Variants in KANSL1 observed in about 807,000 individuals in gnomAD.
KANSL1 encodes MLL1/MLL complex subunit KANSL1.
KANSL1 carries 22 observed loss-of-function variants against 103.6 expected under a neutral mutation model. The ratio of observed to expected loss-of-function variants is 0.21; its 90% confidence interval spans 0.15 to 0.30. The LOEUF (loss-of-function observed/expected upper bound fraction) is 0.30, where lower values mean the gene tolerates loss of function less well. Ranked by LOEUF, KANSL1 falls within the 10% of genes least tolerant of loss-of-function variation. The pLI is 1.00. For synonymous variants in KANSL1, 600 were observed against 527.6 expected (o/e 1.14, Z -1.88); for missense variants, 1,337 against 1,399.8 (o/e 0.96, Z 0.72).
chr17:46,102,241 T>C (rs2042353189), intron 2 of KANSL1, among the ~76,000 whole-genome samples: 1 of 152,140 alleles, frequency 6.6e-6, no homozygotes, highest in Non-Finnish European at 1.5e-5. Context: ...GTGGAACAAA[T>C]GTACCAGAGC....
At chr17:46,099,165 T>C (rs1322476840) in intron 2 of KANSL1, among the ~76,000 whole-genome samples, 1 of 144,094 alleles carries the variant, frequency 6.9e-6, no homozygotes, top group Non-Finnish European at 1.6e-5. Context: ...CTACTAAAAA[T>C]ACAAAAAAAT....
intron 1 of KANSL1, 72 bp from the exon 2 acceptor site, chr17:46,172,304 C>G (rs2046327591): frequency 3.9e-6 from 3 of 771,552 alleles, no homozygotes; most frequent in Non-Finnish European, 6.0e-6. Flanking sequence ...TTAACAAAAG[C>G]ACTACTTGAG....
At chr17:46,174,637 T>C (rs1420441219) in intron 1 of KANSL1, among the ~76,000 whole-genome samples, 1 of 152,258 alleles carries the variant, frequency 6.6e-6, no homozygotes, top group Non-Finnish European at 1.5e-5. Context: ...CAGGAAATCA[T>C]GCATGGGTAA....
chr17:46,100,599 T>C (rs2042270785), intron 2 of KANSL1, among the ~76,000 whole-genome samples: 1 of 152,198 alleles, frequency 6.6e-6, no homozygotes, highest in African/African-American at 2.4e-5. Flanking sequence ...AGTCAATGGG[T>C]TTAAAAGGGA....
chr17:46,168,157 TTTC>T (rs1400825076), intron 2 of KANSL1, among the ~76,000 whole-genome samples: 5 of 152,236 alleles, frequency 3.3e-5, no homozygotes, highest in Non-Finnish European at 5.9e-5. Flanking sequence ...AGAACAACTT[TTTC>T]TTCTTCTTTT....
chr17:46,197,803 G>A (rs2047663245), upstream of KANSL1, among the ~76,000 whole-genome samples: 1 of 147,470 alleles, frequency 6.8e-6, no homozygotes, highest in Non-Finnish European at 1.5e-5. Flanking sequence ...TTTAAGATCT[G>A]TAACTCATCT....
At chr17:46,047,491 G>A (rs563218913) in intron 7 of KANSL1, among the ~76,000 whole-genome samples, 46 of 152,054 alleles carry the variant, frequency 3.0e-4, no homozygotes, top group Non-Finnish European at 6.0e-4. Flanking sequence ...TATGGCCCTT[G>A]AAGAAAAAGT....
intron 1 of KANSL1, among the ~76,000 whole-genome samples, chr17:46,176,117 T>C (rs924916195): frequency 1.3e-5 from 2 of 152,220 alleles, no homozygotes; most frequent in Non-Finnish European, 1.5e-5. Flanking sequence ...TAATACAACA[T>C]GTGAAGAGTA....
chr17:46,167,990 G>A (rs146442721), intron 2 of KANSL1, among the ~76,000 whole-genome samples: 1 of 152,166 alleles, frequency 6.6e-6, no homozygotes, highest in Non-Finnish European at 1.5e-5. Flanking sequence ...TTTCATCAGG[G>A]CTGCCTAGAC....
chr17:46,062,441 C>T (rs1227764228), intron 6 of KANSL1, among the ~76,000 whole-genome samples: 2 of 145,970 alleles, frequency 1.4e-5, no homozygotes, highest in Non-Finnish European at 3.0e-5. Context: ...TCACTGCAAC[C>T]TCTGACTTCT....
chr17:46,101,665 A>G (rs985772178), intron 2 of KANSL1, among the ~76,000 whole-genome samples: 9 of 150,480 alleles, frequency 6.0e-5, no homozygotes, highest in African/African-American at 2.2e-4. Context: ...GAGGCAGGAG[A>G]ATCGCTTGAA....
At chr17:46,051,521 C>T (rs1272600062) in intron 6 of KANSL1, among the ~76,000 whole-genome samples, 1 of 152,184 alleles carries the variant, frequency 6.6e-6, no homozygotes, top group South Asian at 2.1e-4. Context: ...AAAAACTGAA[C>T]ATCTACAATT....
At chr17:46,079,665 T>C (rs1427339765) in intron 4 of KANSL1, among the ~76,000 whole-genome samples, 2 of 152,238 alleles carry the variant, frequency 1.3e-5, no homozygotes, top group South Asian at 4.1e-4. Context: ...TGTTATTCAG[T>C]AAATCACTAT....
At position 46,171,704 on chromosome 17, in the gene KANSL1, G is replaced by A. The variant is rs867179138; in HGVS notation, c.440C>T (p.Thr147Ile). The change falls in exon 2 of 15, where the codon ACA becomes ATA. Residue 147 changes from threonine (T) to isoleucine (I), a missense_variant. Transcript: ENST00000432791. ...NLRTMNTSGQ[T>I]ALPQAPVNGL... ...ATTTACAGGTGCTTGTGGCAGAGCT[G>A]TCTGACCACTCGTATTCATGGTTCT... 9 of 1,559,338 alleles carry A rather than the reference G, an allele frequency of 5.8e-6. No individual in the cohort carries two copies. The African/African-American group carries it at 1.1e-4, about 19-fold the overall frequency.
Position 46,171,408 on chromosome 17 carries a change from T to C in KANSL1, c.736A>G (p.Ser246Gly), listed in dbSNP as rs141969887. 8.0e-5 allele frequency: 129 copies of C among 1,614,034 alleles called. No individual in the cohort carries two copies. Among genetic ancestry groups the C allele is most frequent in the Non-Finnish European group, 1.0e-4 (123 of 1,180,006 alleles). ...SMEQPALQGSSRLSPGTDSSS... is the reference protein window; with the variant it reads ...SMEQPALQGSGRLSPGTDSSS... ...GAGTCTGTACCAGGTGATAATCTAC[T>C]GCTTCCTTGAAGTGCCGGCTGTTCC... Residue 246 changes from serine to glycine, a missense_variant, in exon 2 of 15, where the codon AGT becomes GGT. By Grantham distance (56) the Ser-to-Gly change is moderately conservative. Coordinates refer to ENST00000432791, the MANE Select transcript of KANSL1 (RefSeq NM_015443.4).
intron 1 of KANSL1, among the ~76,000 whole-genome samples, chr17:46,202,270 A>G (rs1276197457): frequency 6.6e-6 from 1 of 152,272 alleles, no homozygotes; most frequent in East Asian, 1.9e-4. Flanking sequence ...TTTGGATCCC[A>G]TCTCCAAGAT....
intron 2 of KANSL1, 89 bp downstream of exon 2, chr17:46,170,762 CAAAG>C: frequency 7.3e-7 from 1 of 1,364,126 alleles, no homozygotes; most frequent in Non-Finnish European, 9.9e-7. Flanking sequence ...CACCTATGTA[CAAAG>C]AATCACATTC....
At position 46,032,229 on chromosome 17, in the gene KANSL1, C is replaced by T. The variant is rs895889126; in HGVS notation, c.2908G>A (p.Ala970Thr). Residue 970 changes from alanine (A) to threonine (T), a missense_variant, in exon 14 of 15, where the codon GCC becomes ACC. Ala to Thr is a moderately conservative substitution (Grantham distance 58, BLOSUM62 0). This residue lies in a region of KANSL1 where 780 missense variants were observed against 923.4 expected (regional missense o/e 0.84). Transcript: ENST00000432791. Reference protein sequence around the residue: ...GSANPSTPQPASPDVSSSHSL... With the variant: ...GSANPSTPQPTSPDVSSSHSL... ...TGGCTACTGCTGACATCAGGGGAGG[C>T]AGGCTGGGGGGTGGAGGGGTTGGCA... The T allele has an allele frequency of 4.4e-6, 7 of 1,581,010 alleles. No individual in the cohort carries two copies. The highest frequency in any genetic ancestry group is 6.0e-6 in the Non-Finnish European group (7 of 1,160,380).
At chr17:46,180,533 A>G (rs1467208391) in intron 1 of KANSL1, among the ~76,000 whole-genome samples, 2 of 152,046 alleles carry the variant, frequency 1.3e-5, no homozygotes, top group African/African-American at 4.8e-5. Context: ...TAAAAATAAA[A>G]AATTTAGCCG....
Sources: allele counts gnomAD v4.1 joint callset (sites outside exome capture counted in the v4.1 genomes callset), GRCh38; gene constraint gnomAD v4.1.1; regional missense constraint gnomAD v4.1.1; transcripts MANE v1.5; gene names NCBI Gene and HGNC (gene_info 2026-07-23, HGNC 2026-07-21).